ERC2: variants seen among roughly 807,000 people sequenced by gnomAD.
The protein encoded by ERC2 is ERC protein 2.
Under a neutral mutation model 114.8 loss-of-function variants are expected in ERC2, and 42 were observed. The ratio of observed to expected loss-of-function variants is 0.37; its 90% confidence interval spans 0.29 to 0.47. The LOEUF (loss-of-function observed/expected upper bound fraction) is 0.47. Ranked by LOEUF, ERC2 falls within the 20% of genes least tolerant of loss-of-function variation. The pLI, the probability that ERC2 is intolerant of heterozygous loss-of-function variation, is 0.99. For synonymous variants in ERC2, 454 were observed against 425.5 expected (o/e 1.07, Z -0.82); for missense variants, 939 against 1,150.7 (o/e 0.82, Z 2.66).
chr3:55,637,681 T>C (rs575921456), intron 17 of ERC2, among the ~76,000 whole-genome samples: 5 of 152,322 alleles, frequency 3.3e-5, no homozygotes, highest in South Asian at 4.1e-4. Flanking sequence ...CTTATTGATA[T>C]GTTTAGTTTT....
At chr3:56,003,297 T>G (rs994333680) in intron 10 of ERC2, among the ~76,000 whole-genome samples, 1 of 152,150 alleles carries the variant, frequency 6.6e-6, no homozygotes. Context: ...GAAAGCGAGA[T>G]GCTCTAGGGA....
intron 14 of ERC2, 48 bp from the exon 15 acceptor site, chr3:55,734,966 AAAC>A: frequency 6.7e-7 from 1 of 1,484,450 alleles, no homozygotes; most frequent in Non-Finnish European, 9.0e-7. Context: ...ATAAAAAAAA[AAAC>A]AAACAATTGG....
rs57092549 is a variant in ERC2, at chr3:56,282,678, G to GTGCTGCTGCTGCTGC, written c.1074+13326_1074+13340dup. On this transcript the variant is annotated intron_variant, in intron 3 of 17. Transcript: ENST00000288221. The stretch of plus-strand genomic sequence containing the variant: ...CTAGAAGATCTTCCATCTAACAGTG[G>GTGCTGCTGCTGCTGC]TGCTGCTGCTGCTGCTGCTGCTGAT... Among the ~76,000 whole-genome samples the GTGCTGCTGCTGCTGC allele has an allele frequency of 3.8e-3, 580 of 151,220 alleles. 6 individuals carry two copies. The highest frequency in any genetic ancestry group is 0.013 in the African/African-American group (552 of 41,294).
chr3:56,197,705 G>T (rs1413411030), intron 3 of ERC2, among the ~76,000 whole-genome samples: 1 of 151,988 alleles, frequency 6.6e-6, no homozygotes, highest in Non-Finnish European at 1.5e-5. Flanking sequence ...AAACACATTG[G>T]TCTTCACCCA....
chr3:55,729,730 G>C (rs933761642), intron 15 of ERC2, among the ~76,000 whole-genome samples: 2 of 150,406 alleles, frequency 1.3e-5, no homozygotes, highest in Admixed American at 1.3e-4. Context: ...CCCAGCTACT[G>C]GGGAGGCTGA....
intron 2 of ERC2, among the ~76,000 whole-genome samples, chr3:56,333,640 G>C (rs1046740074): frequency 1.1e-4 from 17 of 152,116 alleles, no homozygotes; most frequent in Admixed American, 8.5e-4. Flanking sequence ...GCTACCTCTG[G>C]CTACTAGAAT....
Position 56,026,009 on chromosome 3 carries a change from TA to T in ERC2, c.1642-6979del, listed in dbSNP as rs545485052. 1.8e-4 allele frequency among the ~76,000 whole-genome samples: 27 copies of T among 148,716 alleles called. 1 individual carries two copies. In the East Asian group the frequency reaches 5.2e-3, roughly 29 times the overall value. On this transcript the variant is annotated intron_variant, in intron 7 of 17. Coordinates refer to ENST00000288221, the MANE Select transcript of ERC2 (RefSeq NM_015576.3). ...AATTTGAAAACAAATTTTCAGCTTA[TA>T]AAAAAGTAAGTATTGTATGCAGCAA...
At chr3:56,379,996 C>T (rs1218243913) in intron 2 of ERC2, among the ~76,000 whole-genome samples, 1 of 152,132 alleles carries the variant, frequency 6.6e-6, no homozygotes, top group Non-Finnish European at 1.5e-5. Context: ...ATTGTAGGAG[C>T]TGTCCTGTGC....
intron 15 of ERC2, among the ~76,000 whole-genome samples, chr3:55,710,207 G>T (rs2063706836): frequency 6.6e-6 from 1 of 151,984 alleles, no homozygotes; most frequent in Admixed American, 6.6e-5. Flanking sequence ...CAGGATAGAA[G>T]GTCTCTGTGG....
chr3:56,016,468 T>A (rs111752011), intron 8 of ERC2, among the ~76,000 whole-genome samples: 1 of 150,154 alleles, frequency 6.7e-6, no homozygotes, highest in African/African-American at 2.4e-5. Flanking sequence ...ACTCCAAAAA[T>A]ATGCTTACCC....
At chr3:55,735,730 C>T (rs1381022804) in intron 14 of ERC2, among the ~76,000 whole-genome samples, 1 of 152,128 alleles carries the variant, frequency 6.6e-6, no homozygotes, top group African/African-American at 2.4e-5. Context: ...TGCGAAAACC[C>T]CCCCAAAACT....
intron 17 of ERC2, among the ~76,000 whole-genome samples, chr3:55,681,594 G>A (rs2062057119): frequency 6.6e-6 from 1 of 152,162 alleles, no homozygotes; most frequent in African/African-American, 2.4e-5. Context: ...AAAGCCTGAG[G>A]ATATCTAAGC....
chr3:55,786,073 G>A (rs951613790), intron 14 of ERC2, among the ~76,000 whole-genome samples: 18 of 151,754 alleles, frequency 1.2e-4, no homozygotes, highest in East Asian at 9.7e-4. Flanking sequence ...TTTTCAATTC[G>A]TCATTTGAAT....
chr3:56,215,063 G>A (rs1158016766), intron 3 of ERC2, among the ~76,000 whole-genome samples: 1 of 152,106 alleles, frequency 6.6e-6, no homozygotes, highest in African/African-American at 2.4e-5. Context: ...GACCATCGAG[G>A]CTAGGAAGAA....
intron 17 of ERC2, among the ~76,000 whole-genome samples, chr3:55,580,974 G>T (rs915241700): frequency 6.6e-6 from 1 of 152,224 alleles, no homozygotes; most frequent in African/African-American, 2.4e-5. Flanking sequence ...TGAATGAGGT[G>T]AGGGAGTGAG....
In ERC2 at chr3:56,035,405, G is replaced by C. The variant is rs78258329; in HGVS notation, c.1642-16374C>G. Among the ~76,000 whole-genome samples, 34 of 152,298 alleles carry C rather than the reference G, an allele frequency of 2.2e-4. No homozygotes were observed. The East Asian group carries it at 6.6e-3, about 29-fold the overall frequency. ...TCTACCAAACGTTTAAAGAATTAAT[G>C]CCAATCCTTCTCAAACTCTTCCAAA... On this transcript the variant is annotated intron_variant, in intron 7 of 17. Coordinates refer to ENST00000288221, the MANE Select transcript of ERC2 (RefSeq NM_015576.3).
chr3:55,571,124 CAAAA>C lies in ERC2; in HGVS notation c.*40-59852_*40-59849del, dbSNP rs60594862. Among the ~76,000 whole-genome samples the C allele has an allele frequency of 2.2e-4, 15 of 67,436 alleles. No homozygotes were observed. The East Asian group carries it at 2.3e-3, about 10-fold the overall frequency. 44.2% of individuals were successfully genotyped at this position (67,436 alleles called of 152,430 possible). On this transcript the variant is annotated intron_variant, in intron 17 of 17. Transcript: ENST00000288221. ...GCCTGGCAACAGAGCGAGACTCCGT[CAAAA>C]AAAAAAAAAAAAAAAAAAAAAAAGT...
At chr3:56,143,951 T>C (rs1191256126) in intron 5 of ERC2, among the ~76,000 whole-genome samples, 1 of 152,170 alleles carries the variant, frequency 6.6e-6, no homozygotes, top group East Asian at 1.9e-4. Context: ...CATAACTTAG[T>C]AGAAAGGTTG....
At chr3:56,240,237 T>G (rs1244964925) in intron 3 of ERC2, among the ~76,000 whole-genome samples, 2 of 152,188 alleles carry the variant, frequency 1.3e-5, no homozygotes, top group Non-Finnish European at 2.9e-5. Flanking sequence ...CTCTGAAATT[T>G]CAATCCACAT....
Sources: gnomAD v4.1 joint callset for allele counts (sites outside exome capture counted in the v4.1 genomes callset) on GRCh38, gnomAD v4.1.1 for gene constraint, MANE v1.5 for transcripts, NCBI Gene and HGNC (gene_info 2026-07-23, HGNC 2026-07-21) for gene names.